Variants in RNF6 observed in about 807,000 individuals in gnomAD.
RNF6 encodes ring finger protein 6.
In RNF6, 21 loss-of-function variants were observed where a neutral mutation model predicts 50.1. The observed-to-expected ratio is 0.42, with a 90% CI of 0.30 to 0.60. The LOEUF is 0.60. Among genes scored for constraint, RNF6 ranks in the 20% least tolerant of loss-of-function variants. The pLI, the probability that RNF6 is intolerant of heterozygous loss-of-function variation, is 0.20. For synonymous variants in RNF6, 255 were observed against 291.8 expected (o/e 0.87, Z 1.29); for missense variants, 698 against 838.2 (o/e 0.83, Z 2.07).
rs558144521 is a variant in RNF6, at chr13:26,185,347, G to A, written n.768+30127C>T. 2.9e-4 allele frequency among the ~76,000 whole-genome samples: 44 copies of A among 152,160 alleles called. No homozygotes were observed. In the South Asian group the frequency reaches 9.1e-3, roughly 32 times the overall value. On this transcript the variant is annotated intron_variant and non_coding_transcript_variant, in intron 5 of 5. Transcript: ENST00000468480. ...GCTTTTTAAAATTTCTATTTGGTGT[G>A]CTCTTTGTAATAATACATAAATATA...
At chr13:26,140,459 A>G (rs1870877786) in intron 5 of RNF6, among the ~76,000 whole-genome samples, 1 of 152,214 alleles carries the variant, frequency 6.6e-6, no homozygotes, top group Admixed American at 6.5e-5. Context: ...CCTTCATGAT[A>G]AAAGCATCAA....
At position 26,215,143 on chromosome 13, in the gene RNF6, G is replaced by C. The variant is rs760384769; in HGVS notation, c.739C>G (p.Arg247Gly). 6.2e-7 allele frequency: 1 copy of C among 1,614,154 alleles called. No individual in the cohort carries two copies. Among genetic ancestry groups the C allele is most frequent in the Non-Finnish European group, 8.5e-7 (1 of 1,180,034 alleles). The change falls in exon 5 of 5, where the codon CGA becomes GGA. Residue 247 changes from arginine (R) to glycine (G), a missense_variant. By Grantham distance (125) the Arg-to-Gly change is moderately radical. Transcript: ENST00000381588. ...NGIGGAAGIP[R>G]ANASRTNFSS... ...AAATTAGTGCGTGAAGCGTTAGCTC[G>C]AGGAATGCCAGCTGCTCCCCCAATT...
chr13:26,163,099 A>G (rs1429832657), intron 5 of RNF6, among the ~76,000 whole-genome samples: 1 of 151,388 alleles, frequency 6.6e-6, no homozygotes, highest in African/African-American at 2.4e-5. Context: ...TCACGAGGTC[A>G]GGAGATCGAG....
At chr13:26,178,591 CGTGTGTGT>C (rs3981342) in intron 5 of RNF6, among the ~76,000 whole-genome samples, 8,160 of 100,254 alleles carry the variant, frequency 0.081, 934 homozygotes, top group African/African-American at 0.27. Flanking sequence ...CTGCCTGGTC[CGTGTGTGT>C]GTGTGTGTGT....
chr13:26,188,877 C>T (rs1406848364), intron 5 of RNF6, among the ~76,000 whole-genome samples: 2 of 151,852 alleles, frequency 1.3e-5, no homozygotes, highest in Admixed American at 1.3e-4. Context: ...ATCTGCCCAC[C>T]TTGGCCTCCC....
intron 5 of RNF6, among the ~76,000 whole-genome samples, chr13:26,199,371 G>T (rs1469718463): frequency 1.3e-5 from 2 of 152,132 alleles, no homozygotes; most frequent in Admixed American, 6.5e-5. Flanking sequence ...CACTAAAAAT[G>T]ATCTCAAAAT....
At chr13:26,197,313 T>G (rs1346397018) in intron 5 of RNF6, among the ~76,000 whole-genome samples, 1 of 151,930 alleles carries the variant, frequency 6.6e-6, no homozygotes, top group Admixed American at 6.6e-5. Context: ...AGCTTACAAC[T>G]ACAAATCTTT....
intron 5 of RNF6, among the ~76,000 whole-genome samples, chr13:26,184,793 C>T (rs1338523249): frequency 1.3e-5 from 2 of 152,062 alleles, no homozygotes; most frequent in African/African-American, 4.8e-5. Flanking sequence ...AGATTGAATG[C>T]TAAGCATACA....
At chr13:26,154,617 T>C (rs2137593040) in intron 5 of RNF6, among the ~76,000 whole-genome samples, 1 of 152,362 alleles carries the variant, frequency 6.6e-6, no homozygotes, top group Admixed American at 6.5e-5. Context: ...CAAAGATACC[T>C]GCCTATCTGA....
At chr13:26,155,752 G>A (rs527724575) in intron 5 of RNF6, among the ~76,000 whole-genome samples, 108 of 152,312 alleles carry the variant, frequency 7.1e-4, no homozygotes, top group Non-Finnish European at 1.3e-3. Context: ...CAGGCCCCAA[G>A]AGTCATGGCT....
intron 5 of RNF6, among the ~76,000 whole-genome samples, chr13:26,154,724 T>G (rs958610682): frequency 2.0e-5 from 3 of 152,162 alleles, no homozygotes; most frequent in African/African-American, 7.2e-5. Flanking sequence ...TCTATTAGCT[T>G]GTAATACTTA....
At chr13:26,133,524 C>G (rs144374448) in intron 5 of RNF6, among the ~76,000 whole-genome samples, 1 of 152,270 alleles carries the variant, frequency 6.6e-6, no homozygotes, top group African/African-American at 2.4e-5. Flanking sequence ...TCTGTTTCCT[C>G]TCTATTGTTC....
At chr13:26,210,755 G>C (rs1170295251), downstream of RNF6, among the ~76,000 whole-genome samples, 1 of 152,170 alleles carries the variant, frequency 6.6e-6, no homozygotes, top group Non-Finnish European at 1.5e-5. Context: ...AAGTTAGGTA[G>C]CAAAAATACT....
chr13:26,210,789 A>C (rs1246443802), downstream of RNF6, among the ~76,000 whole-genome samples: 1 of 152,218 alleles, frequency 6.6e-6, no homozygotes, highest in Non-Finnish European at 1.5e-5. Flanking sequence ...CAGAGGTTTA[A>C]ATTATGAATT....
intron 5 of RNF6, among the ~76,000 whole-genome samples, chr13:26,163,417 A>C (rs1311078116): frequency 6.6e-6 from 1 of 152,194 alleles, no homozygotes; most frequent in Non-Finnish European, 1.5e-5. Flanking sequence ...GCATCATGTA[A>C]TTTCATCTGT....
intron 5 of RNF6, among the ~76,000 whole-genome samples, chr13:26,138,818 G>T (rs1870782901): frequency 6.6e-6 from 1 of 152,126 alleles, no homozygotes; most frequent in Non-Finnish European, 1.5e-5. Context: ...AAGAAGGCAG[G>T]TTTGTTTCTG....
chr13:26,163,205 G>T lies in RNF6; in HGVS notation n.769-30754C>A, dbSNP rs1254115801. Among the ~76,000 whole-genome samples the T allele has an allele frequency of 3.3e-5, 5 of 152,144 alleles. No individual in the cohort carries two copies. The East Asian group carries it at 9.6e-4, about 29-fold the overall frequency. On this transcript the variant is annotated intron_variant and non_coding_transcript_variant, in intron 5 of 5. Transcript: ENST00000468480. ...CGGGTGCCTGTAGTCCCAGCTACTT[G>T]GGAGGTTGAGGCAGGAGAATGGCGT... is the stretch of plus-strand genomic sequence containing the variant.
chr13:26,191,293 A>G (rs1868441971), intron 5 of RNF6, among the ~76,000 whole-genome samples: 1 of 152,220 alleles, frequency 6.6e-6, no homozygotes, highest in Non-Finnish European at 1.5e-5. Flanking sequence ...GCATTCATTC[A>G]TTCAACAAAT....
chr13:26,137,665 A>C (rs989226013), intron 5 of RNF6, among the ~76,000 whole-genome samples: 3 of 151,202 alleles, frequency 2.0e-5, no homozygotes, highest in African/African-American at 7.3e-5. Context: ...AAAAAAAAAA[A>C]AACAAATAGA....
Sources: allele counts gnomAD v4.1 joint callset (sites outside exome capture counted in the v4.1 genomes callset), GRCh38; gene constraint gnomAD v4.1.1; transcripts MANE v1.5; gene names NCBI Gene and HGNC (gene_info 2026-07-23, HGNC 2026-07-21).